Variants in PLPPR1 observed in about 807,000 individuals in gnomAD.
The protein encoded by PLPPR1 is phospholipid phosphatase-related protein type 1.
In PLPPR1, 10 loss-of-function variants were observed where a neutral mutation model predicts 33.1. The observed-to-expected ratio is 0.30, with a 90% confidence interval of 0.19 to 0.51. The LOEUF is 0.51. Among genes scored for constraint, PLPPR1 ranks in the 20% least tolerant of loss-of-function variants. The pLI is 0.97. For synonymous variants in PLPPR1, 151 were observed against 151.0 expected (o/e 1.00, Z 0.00); for missense variants, 304 against 408.1 (o/e 0.74, Z 2.20).
chr9:101,261,425 G>A (rs565593340), intron 2 of PLPPR1, among the ~76,000 whole-genome samples: 150 of 152,172 alleles, frequency 9.9e-4, no homozygotes, highest in African/African-American at 3.2e-3. Context: ...ATCACATTTC[G>A]TCTACATATC....
chr9:101,189,707 T>C (rs1248771525), intron 2 of PLPPR1, among the ~76,000 whole-genome samples: 1 of 152,184 alleles, frequency 6.6e-6, no homozygotes, highest in East Asian at 1.9e-4. Flanking sequence ...CATCTATGTG[T>C]ATCTTCTCAT....
chr9:101,165,497 A>C (rs778826422), intron 1 of PLPPR1, among the ~76,000 whole-genome samples: 1 of 152,200 alleles, frequency 6.6e-6, no homozygotes, highest in African/African-American at 2.4e-5. Context: ...AGGAACTCCA[A>C]TTTGTTTGGG....
At chr9:101,235,460 T>C (rs557691143) in intron 2 of PLPPR1, among the ~76,000 whole-genome samples, 1 of 152,024 alleles carries the variant, frequency 6.6e-6, no homozygotes, top group East Asian at 1.9e-4. Flanking sequence ...TATTAGTCTC[T>C]CTTTAACAAA....
At chr9:101,223,285 A>G (rs1008647295) in intron 2 of PLPPR1, among the ~76,000 whole-genome samples, 5 of 151,516 alleles carry the variant, frequency 3.3e-5, no homozygotes, top group African/African-American at 9.7e-5. Flanking sequence ...GCAGTGAGCT[A>G]TGATGGTACC....
At chr9:101,223,209 G>T (rs955179842) in intron 2 of PLPPR1, among the ~76,000 whole-genome samples, 1 of 150,318 alleles carries the variant, frequency 6.7e-6, no homozygotes, top group Non-Finnish European at 1.5e-5. Context: ...CATGGGATGA[G>T]CCTGTAGTGC....
At chr9:101,268,568 C>T (rs1828040434) in intron 2 of PLPPR1, among the ~76,000 whole-genome samples, 1 of 152,140 alleles carries the variant, frequency 6.6e-6, no homozygotes, top group Non-Finnish European at 1.5e-5. Flanking sequence ...TCAGCTTTTG[C>T]TTTTTTCCTA....
intron 4 of PLPPR1, among the ~76,000 whole-genome samples, chr9:101,289,136 C>A (rs554315046): frequency 2.6e-5 from 4 of 152,310 alleles, no homozygotes; most frequent in African/African-American, 9.6e-5. Context: ...TGCCTCAGTA[C>A]CTGCACATGT....
At chr9:101,049,951 C>A (rs572338212) in intron 1 of PLPPR1, among the ~76,000 whole-genome samples, 1 of 151,382 alleles carries the variant, frequency 6.6e-6, no homozygotes, top group South Asian at 2.1e-4. Flanking sequence ...CATGGTGAAA[C>A]CTGTCTCTAC....
At chr9:101,201,901 C>G (rs757535358) in intron 2 of PLPPR1, among the ~76,000 whole-genome samples, 1 of 152,192 alleles carries the variant, frequency 6.6e-6, no homozygotes, top group Non-Finnish European at 1.5e-5. Flanking sequence ...AGTGAAAGCT[C>G]AAAGGGCTGG....
chr9:101,190,915 G>C (rs1321734089), intron 2 of PLPPR1, among the ~76,000 whole-genome samples: 3 of 152,162 alleles, frequency 2.0e-5, no homozygotes. Context: ...TATATGTAAT[G>C]GACATGGCAG....
intron 1 of PLPPR1, among the ~76,000 whole-genome samples, chr9:101,070,334 TG>T: frequency 6.6e-6 from 1 of 152,148 alleles, no homozygotes; most frequent in African/African-American, 2.4e-5. Context: ...TACTATATTT[TG>T]CTCAAATTGT....
chr9:101,228,411 A>C (rs1827115453), intron 2 of PLPPR1, among the ~76,000 whole-genome samples: 3 of 152,152 alleles, frequency 2.0e-5, no homozygotes, highest in East Asian at 1.9e-4. Context: ...TAGTTTCTTT[A>C]ATTCCTTCAC....
At chr9:101,113,822 A>G (rs1360098) in intron 1 of PLPPR1, among the ~76,000 whole-genome samples, 86,214 of 151,922 alleles carry the variant, frequency 0.57, 24,585 homozygotes, top group East Asian at 0.74. Context: ...CTGCAGAAAC[A>G]TGAAGCTCTG....
intron 2 of PLPPR1, among the ~76,000 whole-genome samples, chr9:101,216,413 A>G (rs1826796067): frequency 6.6e-6 from 1 of 152,020 alleles, no homozygotes; most frequent in South Asian, 2.1e-4. Flanking sequence ...TTGAATTCTT[A>G]GATAGACTGG....
chr9:101,029,655 T>C lies in PLPPR1; in HGVS notation c.-46+553T>C, dbSNP rs190884466. 2.6e-5 allele frequency among the ~76,000 whole-genome samples: 4 copies of C among 152,254 alleles called. No individual in the cohort carries two copies. In the East Asian group the frequency reaches 5.8e-4, roughly 22 times the overall value. ...GGGGTGTGTGTGTCACCTGGAAAAT[T>C]GGAGGGGCGGCCTTCGGCTTTCTCA... is the stretch of plus-strand genomic sequence containing the variant. On this transcript the variant is annotated intron_variant, in intron 1 of 7. Coordinates refer to ENST00000374874, the MANE Select transcript of PLPPR1 (RefSeq NM_207299.2).
intron 2 of PLPPR1, among the ~76,000 whole-genome samples, chr9:101,239,423 G>A (rs1162080299): frequency 6.6e-6 from 1 of 151,884 alleles, no homozygotes. Context: ...GCCTAGTAAT[G>A]GGTGATGGGA....
At chr9:101,121,876 C>A (rs191026733) in intron 1 of PLPPR1, among the ~76,000 whole-genome samples, 4 of 152,072 alleles carry the variant, frequency 2.6e-5, no homozygotes, top group Non-Finnish European at 4.4e-5. Context: ...ATAGGATATG[C>A]ACTAGGGAAG....
intron 2 of PLPPR1, among the ~76,000 whole-genome samples, chr9:101,197,966 C>T (rs573514256): frequency 7.2e-4 from 110 of 152,274 alleles, no homozygotes; most frequent in African/African-American, 2.6e-3. Context: ...TGGTTTTCAC[C>T]AGTGCCAAGC....
intron 4 of PLPPR1, among the ~76,000 whole-genome samples, chr9:101,289,439 T>C (rs12343249): frequency 0.057 from 8,625 of 152,290 alleles, 452 homozygotes; most frequent in African/African-American, 0.13. Context: ...ACCTGGTACA[T>C]AGGTTGCCAA....
Sources: allele counts gnomAD v4.1 joint callset (sites outside exome capture counted in the v4.1 genomes callset), GRCh38; gene constraint gnomAD v4.1.1; transcripts MANE v1.5; gene names NCBI Gene and HGNC (gene_info 2026-07-23, HGNC 2026-07-21).